The following COMMD10 variants were observed in gnomAD, a reference collection of about 807,000 sequenced individuals.
COMMD10 encodes the protein COMM domain containing 10.
COMMD10 carries 33 observed loss-of-function variants against 28.9 expected under a neutral mutation model. The ratio of observed to expected loss-of-function variants is 1.14; its 90% CI spans 0.87 to 1.53. COMMD10 has a LOEUF of 1.53. Ranked by LOEUF, COMMD10 falls within the 40% of genes most tolerant of loss-of-function variation. COMMD10 has a pLI of 0.00. For synonymous variants in COMMD10, 110 were observed against 81.7 expected (o/e 1.35, Z -1.87); for missense variants, 310 against 233.4 (o/e 1.33, Z -2.14).
At chr5:116,164,402 A>T (rs549470689) in intron 5 of COMMD10, among the ~76,000 whole-genome samples, 1 of 152,334 alleles carries the variant, frequency 6.6e-6, no homozygotes, top group African/African-American at 2.4e-5. Context: ...CCTACCTCCA[A>T]ATAAGTGGGG....
chr5:116,273,724 G>C (rs995520807), intron 5 of COMMD10, among the ~76,000 whole-genome samples: 4 of 151,596 alleles, frequency 2.6e-5, no homozygotes, highest in Admixed American at 6.6e-5. Context: ...AAATGTTTCT[G>C]ATCTAAGCCT....
chr5:116,162,667 A>G (rs1350805197), intron 5 of COMMD10, among the ~76,000 whole-genome samples: 1 of 152,218 alleles, frequency 6.6e-6, no homozygotes, highest in East Asian at 1.9e-4. Context: ...AGAAAACACT[A>G]TAATTAGCAA....
intron 5 of COMMD10, among the ~76,000 whole-genome samples, chr5:116,271,245 A>T (rs115058773): frequency 1.4e-5 from 2 of 147,374 alleles, no homozygotes; most frequent in African/African-American, 5.0e-5. Context: ...GATAGTAAAA[A>T]CAATTTTTTT....
chr5:116,259,863 T>G (rs1750394493), intron 5 of COMMD10, among the ~76,000 whole-genome samples: 1 of 151,702 alleles, frequency 6.6e-6, no homozygotes, highest in African/African-American at 2.4e-5. Flanking sequence ...GCTTTTGTTA[T>G]TTATTGACCA....
chr5:116,270,821 G>A lies in COMMD10; in HGVS notation c.511-20696G>A, dbSNP rs78672054. On this transcript the variant is annotated intron_variant, in intron 5 of 6. Transcript: ENST00000274458. ...GCTTGATGGTGCATACCTGTAATCCGAACACTACTTGGGAGGCTGAGACAG... is the reference window on the plus strand; with the variant it reads ...GCTTGATGGTGCATACCTGTAATCCAAACACTACTTGGGAGGCTGAGACAG... 1.6e-4 allele frequency among the ~76,000 whole-genome samples: 24 copies of A among 151,346 alleles called. 1 individual carries two copies. The highest frequency in any genetic ancestry group is 1.2e-3 in the Admixed American group (18 of 15,196).
intron 4 of COMMD10, among the ~76,000 whole-genome samples, chr5:116,099,040 C>G (rs867081471): frequency 5.3e-5 from 8 of 152,150 alleles, no homozygotes; most frequent in Non-Finnish European, 7.3e-5. Flanking sequence ...GTATTATTAA[C>G]TATAGTCACC....
chr5:116,167,166 G>A lies in COMMD10; in HGVS notation c.510+32988G>A, dbSNP rs573106137. On this transcript the variant is annotated intron_variant, in intron 5 of 6. Coordinates refer to ENST00000274458, the MANE Select transcript of COMMD10 (RefSeq NM_016144.4). ...TAGAGAAGAACATAAATGAGCTGAT[G>A]GAGCTGAAAAACACAGCACAAGAAC... is the stretch of plus-strand genomic sequence containing the variant. Among the ~76,000 whole-genome samples the A allele has an allele frequency of 1.3e-4, 19 of 151,970 alleles. No homozygotes were observed. In the East Asian group the frequency reaches 3.3e-3, roughly 27 times the overall value.
At chr5:116,143,069 G>GTTTTTTTT (rs375227609) in intron 5 of COMMD10, among the ~76,000 whole-genome samples, 9 of 130,966 alleles carry the variant, frequency 6.9e-5, no homozygotes, top group South Asian at 2.3e-4. Context: ...TGTGTTTTTG[G>GTTTTTTTT]TTTTTTTTTT....
chr5:116,259,160 T>G (rs1486238382), intron 5 of COMMD10, among the ~76,000 whole-genome samples: 1 of 151,082 alleles, frequency 6.6e-6, no homozygotes, highest in African/African-American at 2.5e-5. Flanking sequence ...CTTCCTGGGT[T>G]CAAGTGATTC....
chr5:116,170,806 C>T (rs1204418226), intron 5 of COMMD10, among the ~76,000 whole-genome samples: 6 of 152,094 alleles, frequency 3.9e-5, no homozygotes, highest in Non-Finnish European at 8.8e-5. Context: ...AAACTGGACC[C>T]CTTCCTTACA....
intron 2 of COMMD10, among the ~76,000 whole-genome samples, chr5:116,089,919 T>A (rs1750241708): frequency 6.6e-6 from 1 of 152,194 alleles, no homozygotes; most frequent in Non-Finnish European, 1.5e-5. Flanking sequence ...CATTTCAGGA[T>A]CTGCCTACTT....
chr5:116,185,581 A>G (rs1748110354), intron 5 of COMMD10, among the ~76,000 whole-genome samples: 1 of 152,058 alleles, frequency 6.6e-6, no homozygotes, highest in East Asian at 1.9e-4. Context: ...GAGGAATTCC[A>G]TTCTGTCTTA....
intron 5 of COMMD10, among the ~76,000 whole-genome samples, chr5:116,290,995 G>A (rs1213677607): frequency 1.3e-5 from 2 of 152,252 alleles, no homozygotes; most frequent in African/African-American, 2.4e-5. Flanking sequence ...TGAAACTGTT[G>A]TGTTAATTGT....
intron 1 of COMMD10, among the ~76,000 whole-genome samples, chr5:116,086,451 T>A (rs1355967662): frequency 7.7e-6 from 1 of 129,542 alleles, no homozygotes; most frequent in Admixed American, 7.9e-5. Context: ...TGAGGCGGGC[T>A]AATCTCTCTC....
chr5:116,276,073 C>A (rs549686858), intron 5 of COMMD10, among the ~76,000 whole-genome samples: 2 of 151,012 alleles, frequency 1.3e-5, no homozygotes, highest in African/African-American at 4.9e-5. Context: ...TGCTGTACAG[C>A]ACCAAAGCAA....
rs545617824 is a variant in COMMD10 at position 116,181,692 on chromosome 5, T to C, written c.510+47514T>C. Among the ~76,000 whole-genome samples the C allele has an allele frequency of 5.3e-5, 8 of 152,124 alleles. No homozygotes were observed. The East Asian group carries it at 1.4e-3, about 26-fold the overall frequency. ...CTTTGAGAATCATTGTTATAAATCA[T>C]GGTGGAACCGTTTGACCTAATCAAA... On this transcript the variant is annotated intron_variant, in intron 5 of 6. Coordinates refer to ENST00000274458, the MANE Select transcript of COMMD10 (RefSeq NM_016144.4).
chr5:116,246,182 C>A lies in COMMD10; in HGVS notation c.511-45335C>A, dbSNP rs13355950. On this transcript the variant is annotated intron_variant, in intron 5 of 6. Transcript: ENST00000274458. ...TGCAAAAATCGCTAGGATTCCTATACATCAACAGCAGTCAATCCAAGAGCC... is the reference window on the plus strand; with the variant it reads ...TGCAAAAATCGCTAGGATTCCTATAAATCAACAGCAGTCAATCCAAGAGCC... Among the ~76,000 whole-genome samples the A allele has an allele frequency of 9.0e-3, 1,366 of 152,190 alleles. 24 individuals carry two copies. Among genetic ancestry groups the A allele is most frequent in the African/African-American group, 0.031 (1,286 of 41,530 alleles).
intron 5 of COMMD10, among the ~76,000 whole-genome samples, chr5:116,139,737 TCA>T: frequency 6.6e-6 from 1 of 151,738 alleles, no homozygotes; most frequent in Non-Finnish European, 1.5e-5. Context: ...AATCATTCTC[TCA>T]CATATTTAAC....
At chr5:116,283,999 C>T (rs754476080) in intron 5 of COMMD10, among the ~76,000 whole-genome samples, 8 of 151,432 alleles carry the variant, frequency 5.3e-5, no homozygotes, top group African/African-American at 1.2e-4. Flanking sequence ...GGTGTGGAAG[C>T]GCACTTCTAA....
Sources: gnomAD v4.1 joint callset for allele counts (sites outside exome capture counted in the v4.1 genomes callset) on GRCh38, gnomAD v4.1.1 for gene constraint, MANE v1.5 for transcripts, NCBI Gene and HGNC (gene_info 2026-07-23, HGNC 2026-07-21) for gene names.